Variants in CNTNAP4 observed in about 807,000 individuals in gnomAD.
CNTNAP4 encodes the protein contactin associated protein family member 4, also known as contactin-associated protein-like 4.
CNTNAP4 carries 98 observed loss-of-function variants against 148.4 expected under a neutral mutation model. The observed-to-expected ratio is 0.66, with a 90% CI of 0.56 to 0.78. The LOEUF (loss-of-function observed/expected upper bound fraction) is 0.78, where lower values mean the gene tolerates loss of function less well. CNTNAP4 is among the 30% of genes least tolerant of loss of function. CNTNAP4 has a pLI of 0.00. For synonymous variants in CNTNAP4, 730 were observed against 565.1 expected, an observed-to-expected ratio of 1.29 and a Z score of -4.14; for missense variants, 1,935 against 1,565.6, an observed-to-expected ratio of 1.24 and a Z score of -3.98.
intron 15 of CNTNAP4, among the ~76,000 whole-genome samples, chr16:76,504,110 A>T (rs2082752046): frequency 6.6e-6 from 1 of 152,140 alleles, no homozygotes; most frequent in African/African-American, 2.4e-5. Context: ...CTTTAAATGT[A>T]TATTGAAATG....
chr16:76,532,222 G>A (rs191328064), intron 17 of CNTNAP4, among the ~76,000 whole-genome samples: 7 of 152,276 alleles, frequency 4.6e-5, no homozygotes, highest in South Asian at 2.1e-4. Context: ...ACAAGAAAAC[G>A]GATAAGTCTT....
intron 15 of CNTNAP4, among the ~76,000 whole-genome samples, chr16:76,503,832 A>G (rs1485222330): frequency 1.3e-5 from 2 of 152,100 alleles, no homozygotes; most frequent in African/African-American, 4.8e-5. Flanking sequence ...TCCAAAAGTA[A>G]ATTGTATTTC....
chr16:76,374,649 A>C (rs976045858), intron 3 of CNTNAP4, among the ~76,000 whole-genome samples: 5 of 151,758 alleles, frequency 3.3e-5, no homozygotes, highest in African/African-American at 1.2e-4. Context: ...CGTGTACATT[A>C]CTCTCACTTT....
chr16:76,362,144 T>G (rs1257780653), intron 3 of CNTNAP4, among the ~76,000 whole-genome samples: 3 of 152,106 alleles, frequency 2.0e-5, no homozygotes, highest in African/African-American at 4.8e-5. Context: ...AAACATAGTC[T>G]CATTTAGAAT....
intron 21 of CNTNAP4, among the ~76,000 whole-genome samples, chr16:76,550,088 A>G (rs528701479): frequency 6.6e-6 from 1 of 152,342 alleles, no homozygotes; most frequent in African/African-American, 2.4e-5. Flanking sequence ...TGCTGGAATA[A>G]TATCCATAGT....
chr16:76,287,127 C>G (rs1466077932), intron 1 of CNTNAP4, among the ~76,000 whole-genome samples: 2 of 152,062 alleles, frequency 1.3e-5, no homozygotes, highest in Non-Finnish European at 2.9e-5. Context: ...AACAAATATA[C>G]AAAAAATAGC....
intron 17 of CNTNAP4, among the ~76,000 whole-genome samples, chr16:76,529,154 G>A (rs941392029): frequency 2.0e-5 from 3 of 151,988 alleles, no homozygotes; most frequent in Admixed American, 6.6e-5. Flanking sequence ...AAATGGATTC[G>A]CCTTCTCTTT....
chr16:76,432,305 A>G (rs912864911), intron 4 of CNTNAP4, among the ~76,000 whole-genome samples: 2 of 152,156 alleles, frequency 1.3e-5, no homozygotes, highest in African/African-American at 2.4e-5. Context: ...TTACCCCAAC[A>G]AGTTAGGGCA....
At chr16:76,456,425 C>T (rs1302853160) in intron 8 of CNTNAP4, among the ~76,000 whole-genome samples, 1 of 152,132 alleles carries the variant, frequency 6.6e-6, no homozygotes, top group East Asian at 1.9e-4. Context: ...TTGGTAAATA[C>T]AGAACAAAAC....
At chr16:76,553,959 T>A in intron 23 of CNTNAP4, 52 bp downstream of exon 23, 1 of 1,128,380 alleles carries the variant, frequency 8.9e-7, no homozygotes, top group Non-Finnish European at 1.3e-6. Context: ...TTAATAATGA[T>A]GATGAATATT....
intron 4 of CNTNAP4, among the ~76,000 whole-genome samples, chr16:76,443,135 G>A (rs2080107964): frequency 6.6e-6 from 1 of 151,854 alleles, no homozygotes; most frequent in South Asian, 2.1e-4. Flanking sequence ...TGTAAAATAT[G>A]TATAATATAT....
At chr16:76,516,586 G>A (rs965806025) in intron 15 of CNTNAP4, among the ~76,000 whole-genome samples, 3 of 152,134 alleles carry the variant, frequency 2.0e-5, no homozygotes, top group Non-Finnish European at 4.4e-5. Context: ...GGCAACTTAC[G>A]TTCACAAAAT....
At chr16:76,458,952 C>T (rs1007497712) in intron 8 of CNTNAP4, among the ~76,000 whole-genome samples, 7 of 151,776 alleles carry the variant, frequency 4.6e-5, no homozygotes, top group African/African-American at 1.7e-4. Context: ...TTTTCTGTAG[C>T]CTTGCCAAAA....
chr16:76,475,983 C>T lies in CNTNAP4; in HGVS notation c.1700C>T (p.Ser567Phe), dbSNP rs138014235. Residue 567 changes from serine (S) to phenylalanine (F), a missense_variant, in exon 11 of 24, where the codon TCC (serine) becomes TTC (phenylalanine). Coordinates refer to ENST00000611870, the MANE Select transcript of CNTNAP4 (RefSeq NM_033401.5). The stretch of plus-strand genomic sequence containing the variant: ...GAACACGGTGGGGAGTGTTCCCAGT[C>T]CTGGAGCACCTTTCATTGTAACTGT... Reference protein sequence around the residue: ...YCEHGGECSQSWSTFHCNCTN... With the variant: ...YCEHGGECSQFWSTFHCNCTN... The T allele has an allele frequency of 3.1e-6, 5 of 1,613,782 alleles. No homozygotes were observed. In the African/African-American group the frequency reaches 6.7e-5, roughly 22 times the overall value.
chr16:76,480,942 C>T (rs375595793), intron 12 of CNTNAP4, among the ~76,000 whole-genome samples: 1 of 152,128 alleles, frequency 6.6e-6, no homozygotes, highest in Non-Finnish European at 1.5e-5. Context: ...AGAACCAAGT[C>T]AGTGAGTCTT....
At chr16:76,549,585 A>G (rs11862370) in intron 21 of CNTNAP4, among the ~76,000 whole-genome samples, 36,864 of 152,154 alleles carry the variant, frequency 0.24, 4,667 homozygotes, top group Middle Eastern at 0.33. Flanking sequence ...GAGACAGACA[A>G]CAACATGAAT....
intron 3 of CNTNAP4, among the ~76,000 whole-genome samples, chr16:76,365,389 A>G (rs910608977): frequency 4.6e-5 from 7 of 152,056 alleles, no homozygotes. Context: ...AATTTAAAGT[A>G]TTTTTTGCTA....
intron 2 of CNTNAP4, among the ~76,000 whole-genome samples, chr16:76,353,327 G>A (rs939129641): frequency 6.6e-6 from 1 of 152,152 alleles, no homozygotes; most frequent in African/African-American, 2.4e-5. Context: ...ATCAAGAGAG[G>A]AGCTTCTTGT....
intron 2 of CNTNAP4, among the ~76,000 whole-genome samples, chr16:76,327,434 T>G (rs1173898768): frequency 6.6e-6 from 1 of 152,224 alleles, no homozygotes; most frequent in Non-Finnish European, 1.5e-5. Flanking sequence ...TATACGACAT[T>G]TTCTTTATTC....
Sources: allele counts gnomAD v4.1 joint callset (sites outside exome capture counted in the v4.1 genomes callset), GRCh38; gene constraint gnomAD v4.1.1; transcripts MANE v1.5; gene names NCBI Gene and HGNC (gene_info 2026-07-23, HGNC 2026-07-21).